PCNX1: variants seen among roughly 807,000 people sequenced by gnomAD.
PCNX1 encodes the protein pecanex 1.
Under a neutral mutation model 242.2 loss-of-function variants are expected in PCNX1, and 78 were observed. The observed-to-expected ratio is 0.32, with a 90% confidence interval of 0.27 to 0.39. PCNX1 has a LOEUF of 0.39. Among genes scored for constraint, PCNX1 ranks in the 10% least tolerant of loss-of-function variants. The probability of loss-of-function intolerance (pLI) is 1.00; values close to 1 mark genes in which losing one functional copy is unlikely to be tolerated. For synonymous variants in PCNX1, 1,024 were observed against 1,032.9 expected, an observed-to-expected ratio of 0.99 and a Z score of 0.17; for missense variants, 2,581 against 2,856.5, an observed-to-expected ratio of 0.90 and a Z score of 2.20.
chr14:70,977,634 T>C lies in PCNX1; in HGVS notation c.1297T>C (p.Cys433Arg), dbSNP rs766414232. ...AGTKSGRKKE[C>R]CAGPEEKNSC... Reference sequence around the variant, plus strand: ...AACAAAAAGTGGGAGGAAGAAAGAGTGCTGTGCAGGCCCAGAGGAGAAGAA... The same window carrying C: ...AACAAAAAGTGGGAGGAAGAAAGAGCGCTGTGCAGGCCCAGAGGAGAAGAA... The change falls in exon 6 of 36, where the codon TGC becomes CGC. Residue 433 changes from cysteine to arginine, a missense_variant. Cys to Arg is a radical substitution (Grantham distance 180). Coordinates refer to ENST00000304743, the MANE Select transcript of PCNX1 (RefSeq NM_014982.3). 2 of 1,613,568 alleles carry C rather than the reference T, an allele frequency of 1.2e-6. No individual in the cohort carries two copies. Among genetic ancestry groups the C allele is most frequent in the Non-Finnish European group, 1.7e-6 (2 of 1,179,912 alleles).
chr14:70,995,412 T>C (rs887223570), intron 7 of PCNX1, among the ~76,000 whole-genome samples: 2 of 152,214 alleles, frequency 1.3e-5, no homozygotes, highest in African/African-American at 2.4e-5. Flanking sequence ...AGCACACATA[T>C]ATTGAATGTA....
chr14:70,932,316 GA>G (rs907176882), intron 1 of PCNX1, among the ~76,000 whole-genome samples: 4 of 152,198 alleles, frequency 2.6e-5, no homozygotes, highest in East Asian at 1.9e-4. Flanking sequence ...ACATTTTGAG[GA>G]AAAACATCTA....
rs977296603 is a variant in PCNX1, at chr14:70,962,417, G to C, written c.468+86G>C. The C allele has an allele frequency of 5.7e-6, 4 of 707,650 alleles. No individual in the cohort carries two copies. The Admixed American group carries it at 6.1e-5, about 11-fold the overall frequency. 43.8% of individuals were successfully genotyped at this position (707,650 alleles called of 1,614,324 possible). ...TTCTCGTGTCTTTAAGTCGGCTGAT[G>C]TTTTGTCATATCTTTCTGATTATTA... On this transcript the variant is annotated intron_variant, in intron 3 of 35. Coordinates refer to ENST00000304743, the MANE Select transcript of PCNX1 (RefSeq NM_014982.3).
Position 71,011,510 on chromosome 14 carries a change from A to G in PCNX1, c.2739A>G (p.Val913=). 6.4e-7 allele frequency: 1 copy of G among 1,570,228 alleles called. No homozygotes were observed. The highest frequency in any genetic ancestry group is 8.8e-7 in the Non-Finnish European group (1 of 1,142,050). Residue 913 remains valine (V), a synonymous_variant, in exon 10 of 36, where the codon GTA becomes GTG. Transcript: ENST00000304743. The stretch of plus-strand genomic sequence containing the variant: ...ATTTTAGTGACACAGATTCTCATGT[A>G]TCCAGTTCTACCTCAGTTCGATTTT... ...ASNICDTDSH[V]SSSTSVRFYP...
rs1566651216 is a variant in PCNX1 at position 70,978,517 on chromosome 14, A to G, written c.2180A>G (p.Glu727Gly). ...TTSKSDLEAK[E>G]GEVLDELSLL... ...TCAAAATCAGATCTTGAGGCCAAAG[A>G]GGGAGAGGTGCTAGATGAGCTATCT... The change falls in exon 6 of 36, where the codon GAG becomes GGG. Residue 727 changes from glutamate to glycine, a missense_variant. Physicochemically the swap from Glu to Gly is moderately conservative, Grantham distance 98. Transcript: ENST00000304743. The G allele has an allele frequency of 6.2e-7, 1 of 1,614,190 alleles. No individual in the cohort carries two copies. The highest frequency in any genetic ancestry group is 8.5e-7 in the Non-Finnish European group (1 of 1,180,024).
intron 2 of PCNX1, among the ~76,000 whole-genome samples, chr14:70,960,903 C>T (rs1479753662): frequency 1.3e-5 from 2 of 152,032 alleles, no homozygotes; most frequent in African/African-American, 4.8e-5. Flanking sequence ...CATGAATGAA[C>T]TCCCATTCAC....
At position 71,013,138 on chromosome 14, in the gene PCNX1, A is replaced by T. The variant is rs778546716; in HGVS notation, c.2932A>T (p.Ile978Phe). 1.2e-6 allele frequency: 2 copies of T among 1,614,014 alleles called. No homozygotes were observed. The highest frequency in any genetic ancestry group is 1.7e-6 in the Non-Finnish European group (2 of 1,180,018). Residue 978 changes from isoleucine to phenylalanine, a missense_variant, in exon 11 of 36, where the codon ATC (isoleucine) becomes TTC (phenylalanine). Ile to Phe is a conservative substitution (Grantham distance 21). Around this residue, in one of 9 missense-constraint regions of PCNX1, gnomAD observed 1,204 missense variants for 1,216.7 expected, o/e 0.99. Coordinates refer to ENST00000304743, the MANE Select transcript of PCNX1 (RefSeq NM_014982.3). ...GGTTAAACACTATTATCGCTTTTGG[A>T]TCCTACCCCAGCTGTGGATTGGCAT... ...QKVKHYYRFW[I>F]LPQLWIGINF...
At chr14:70,947,176 G>C in intron 2 of PCNX1, 53 bp downstream of exon 2, 1 of 1,256,554 alleles carries the variant, frequency 8.0e-7, no homozygotes, top group Non-Finnish European at 1.1e-6. Flanking sequence ...TGTGTTATCT[G>C]TATAATGATG....
intron 6 of PCNX1, among the ~76,000 whole-genome samples, chr14:70,984,847 A>G (rs1324441207): frequency 6.6e-6 from 1 of 152,198 alleles, no homozygotes; most frequent in African/African-American, 2.4e-5. Flanking sequence ...AATGCTTTCT[A>G]TGCTTTTATT....
At chr14:71,050,893 G>A in intron 23 of PCNX1, 133 bp downstream of exon 23, 2 of 836,052 alleles carry the variant, frequency 2.4e-6, no homozygotes, top group South Asian at 1.8e-5. Context: ...TCTTGGCCGG[G>A]TGCAGTGGCT....
At chr14:70,951,938 C>G (rs564601017) in intron 2 of PCNX1, among the ~76,000 whole-genome samples, 1 of 152,078 alleles carries the variant, frequency 6.6e-6, no homozygotes, top group Admixed American at 6.6e-5. Context: ...TTTCCTACGC[C>G]TATTCTATTT....
intron 2 of PCNX1, among the ~76,000 whole-genome samples, chr14:70,952,600 T>C (rs1444932006): frequency 6.6e-6 from 1 of 152,252 alleles, no homozygotes; most frequent in African/African-American, 2.4e-5. Context: ...TTGCACAGTA[T>C]ATTATACTTT....
chr14:71,099,153 ATTTTGAT>A (rs1364712552), intron 30 of PCNX1, among the ~76,000 whole-genome samples: 1 of 136,798 alleles, frequency 7.3e-6, no homozygotes, highest in Non-Finnish European at 1.6e-5. Flanking sequence ...GGTTACTATT[ATTTTGAT>A]TTTTTTTTTT....
intron 19 of PCNX1, among the ~76,000 whole-genome samples, chr14:71,041,789 T>TATACTATACTA (rs1438622350): frequency 9.4e-6 from 1 of 105,884 alleles, no homozygotes; most frequent in African/African-American, 4.9e-5. Flanking sequence ...GCTACTATAC[T>TATACTATACTA]ATACTATACT....
chr14:71,023,333 G>A, intron 13 of PCNX1, 101 bp downstream of exon 13: 1 of 800,364 alleles, frequency 1.2e-6, no homozygotes, highest in Non-Finnish European at 2.1e-6. Context: ...GAATGCATCA[G>A]CCTGAACTAA....
At chr14:70,969,596 G>C (rs2058480101) in intron 5 of PCNX1, among the ~76,000 whole-genome samples, 1 of 152,136 alleles carries the variant, frequency 6.6e-6, no homozygotes, top group African/African-American at 2.4e-5. Flanking sequence ...GTACTTGGGT[G>C]CTTTTTTGGA....
At chr14:70,982,677 AGTG>A (rs926990272) in intron 6 of PCNX1, among the ~76,000 whole-genome samples, 2 of 152,230 alleles carry the variant, frequency 1.3e-5, no homozygotes, top group Non-Finnish European at 2.9e-5. Context: ...TATCAAGAAA[AGTG>A]GTGTTTATTG....
chr14:70,923,307 A>G (rs2056450055), intron 1 of PCNX1, among the ~76,000 whole-genome samples: 2 of 152,202 alleles, frequency 1.3e-5, no homozygotes, highest in Non-Finnish European at 2.9e-5. Flanking sequence ...ATTCTGCTCT[A>G]TCAAAGGTTT....
intron 7 of PCNX1, among the ~76,000 whole-genome samples, chr14:70,994,429 ATG>A (rs1323263395): frequency 1.9e-4 from 22 of 113,560 alleles, no homozygotes; most frequent in Admixed American, 6.9e-4. Flanking sequence ...ATATATATAT[ATG>A]TATGTATGTA....
Sources: allele counts gnomAD v4.1 joint callset (sites outside exome capture counted in the v4.1 genomes callset), GRCh38; gene constraint gnomAD v4.1.1; regional missense constraint gnomAD v4.1.1; transcripts MANE v1.5; gene names NCBI Gene and HGNC (gene_info 2026-07-23, HGNC 2026-07-21).